The following CENPF variants were observed in gnomAD, a reference collection of about 807,000 sequenced individuals.
CENPF encodes the protein centromere protein F.
In CENPF, 214 loss-of-function variants were observed where a neutral mutation model predicts 307.3. The observed-to-expected ratio is 0.70, with a 90% CI of 0.62 to 0.78. The LOEUF (loss-of-function observed/expected upper bound fraction) is 0.78, where lower values mean the gene tolerates loss of function less well. Ranked by LOEUF, CENPF falls within the 30% of genes least tolerant of loss-of-function variation. The pLI, the probability that CENPF is intolerant of heterozygous loss-of-function variation, is 0.00. For missense variants in CENPF, 3,401 were observed against 3,483.9 expected, an observed-to-expected ratio of 0.98 and a Z score of 0.60; for synonymous variants, 1,259 against 1,270.6, an observed-to-expected ratio of 0.99 and a Z score of 0.19.
intron 4 of CENPF, among the ~76,000 whole-genome samples, 161 bp from the exon 5 acceptor site, chr1:214,618,968 A>T (rs942378817): frequency 6.6e-6 from 1 of 152,166 alleles, no homozygotes; most frequent in Non-Finnish European, 1.5e-5. Flanking sequence ...ATGTGTTTTG[A>T]TATTTGAGTA....
At chr1:214,605,640 C>A (rs2102521413) in intron 1 of CENPF, 2 of 1,526,696 alleles carry the variant, frequency 1.3e-6, no homozygotes, top group African/African-American at 1.4e-5. Flanking sequence ...CCGGGGGCTG[C>A]CTTATTGCTG....
chr1:214,652,597 C>G (rs1658515393), intron 15 of CENPF, among the ~76,000 whole-genome samples: 1 of 149,090 alleles, frequency 6.7e-6, no homozygotes, highest in Non-Finnish European at 1.5e-5. Flanking sequence ...GCGCCTGCCA[C>G]CACGCCCAGC....
At position 214,641,559 on chromosome 1, in the gene CENPF, T is replaced by C. The variant is rs1381766113; in HGVS notation, c.3221T>C (p.Leu1074Pro). ...CENRKNELEQLKEAFAKEHQE... is the reference protein window; with the variant it reads ...CENRKNELEQPKEAFAKEHQE... ...AATAGGAAAAATGAGTTGGAACAGCTAAAGGAAGCATTTGCAAAGGAACAC... is the reference window on the plus strand; with the variant it reads ...AATAGGAAAAATGAGTTGGAACAGCCAAAGGAAGCATTTGCAAAGGAACAC... The change falls in exon 12 of 20, where the codon CTA becomes CCA. Residue 1074 changes from leucine (L) to proline (P), a missense_variant. By Grantham distance (98) the Leu-to-Pro change is moderately conservative. Coordinates refer to ENST00000366955, the MANE Select transcript of CENPF (RefSeq NM_016343.4). 3 of 1,528,334 alleles carry C rather than the reference T, an allele frequency of 2.0e-6. No homozygotes were observed. Among genetic ancestry groups the C allele is most frequent in the East Asian group, 2.3e-5 (1 of 43,678 alleles). The allele number at this position is 1,528,334 out of a possible 1,614,324, so 94.7% of individuals were successfully genotyped here.
At chr1:214,619,255 A>G (rs745824249) in intron 5 of CENPF, 35 bp downstream of exon 5, 12 of 998,580 alleles carry the variant, frequency 1.2e-5, no homozygotes, top group African/African-American at 3.3e-5. Flanking sequence ...TAGAGTATGC[A>G]GTTATAGAAT....
chr1:214,615,014 A>T lies in CENPF; in HGVS notation c.345A>T (p.Glu115Asp). 2 of 1,599,780 alleles carry T rather than the reference A, an allele frequency of 1.3e-6. No homozygotes were observed. Among genetic ancestry groups the T allele is most frequent in the Non-Finnish European group, 1.7e-6 (2 of 1,174,582 alleles). Reference sequence around the variant, plus strand: ...GCAAAAAACAAATAGAAAAACTGGAACAGGAACTTAAAAGGTAATATTTTG... The same window carrying T: ...GCAAAAAACAAATAGAAAAACTGGATCAGGAACTTAAAAGGTAATATTTTG... ...NSGKKQIEKL[E>D]QELKRCKSEL... Residue 115 changes from glutamate to aspartate, a missense_variant, in exon 3 of 20, where the codon GAA becomes GAT. Coordinates refer to ENST00000366955, the MANE Select transcript of CENPF (RefSeq NM_016343.4).
At chr1:214,658,559 T>TCTA (rs1658705945) in intron 18 of CENPF, among the ~76,000 whole-genome samples, 1 of 152,044 alleles carries the variant, frequency 6.6e-6, no homozygotes, top group Non-Finnish European at 1.5e-5. Flanking sequence ...AAATAAAACA[T>TCTA]CTACATAGAA....
chr1:214,609,527 A>G (rs1389700635), intron 1 of CENPF, among the ~76,000 whole-genome samples: 2 of 151,950 alleles, frequency 1.3e-5, no homozygotes, highest in Admixed American at 6.6e-5. Flanking sequence ...CTTGTCATGC[A>G]TTTTCTTTGT....
In CENPF at chr1:214,641,343, A is replaced by T; in HGVS notation, c.3005A>T (p.Asn1002Ile). 5 of 1,611,822 alleles carry T rather than the reference A, an allele frequency of 3.1e-6. No individual in the cohort carries two copies. Among genetic ancestry groups the T allele is most frequent in the Non-Finnish European group, 4.2e-6 (5 of 1,179,464 alleles). ...NLIQKSESFA[N>I]YIDEREKSIS... ...ATCCAGAAAAGTGAGAGTTTTGCAA[A>T]CTATATAGATGAAAGGGAGAAAAGC... is the stretch of plus-strand genomic sequence containing the variant. The change falls in exon 12 of 20, where the codon AAC becomes ATC. Residue 1002 changes from asparagine to isoleucine, a missense_variant. Asn to Ile is a moderately radical substitution (Grantham distance 149). Transcript: ENST00000366955.
rs335523 is a variant in CENPF, at chr1:214,653,021, G to A, written c.8322+32G>A. 0.46 allele frequency: 717,199 copies of A among 1,559,622 alleles called. 172,190 individuals are homozygous for A. The highest frequency in any genetic ancestry group is 0.85 in the East Asian group (37,578 of 44,210). On this transcript the variant is annotated intron_variant, in intron 16 of 19. Coordinates refer to ENST00000366955, the MANE Select transcript of CENPF (RefSeq NM_016343.4). Reference sequence around the variant, plus strand: ...TCACTTTAATTTGCTTCATGATTTCGAATGGTTTATACAGGTGGTAGTGAT... The same window carrying A: ...TCACTTTAATTTGCTTCATGATTTCAAATGGTTTATACAGGTGGTAGTGAT...
intron 2 of CENPF, 21 bp from the exon 3 acceptor site, chr1:214,614,811 C>A: frequency 6.6e-7 from 1 of 1,511,600 alleles, no homozygotes; most frequent in South Asian, 1.3e-5. Flanking sequence ...GAGTTATTGT[C>A]TTCTGAACAA....
At chr1:214,639,154 A>G (rs1406635734) in intron 11 of CENPF, among the ~76,000 whole-genome samples, 1 of 152,188 alleles carries the variant, frequency 6.6e-6, no homozygotes, top group East Asian at 1.9e-4. Flanking sequence ...ATCTCCCCCA[A>G]CATACTTGAG....
Position 214,656,945 on chromosome 1 carries a change from A to G in CENPF, c.8498A>G (p.Asp2833Gly), listed in dbSNP as rs1658649320. ...TTACTTTGGACAGGTACTGTTATGG[A>G]TACCAAGGTCGATGAATTAACAACT... ...QEKQKTGTVM[D>G]TKVDELTTEI... Residue 2833 changes from aspartate to glycine, a missense_variant, in exon 18 of 20, where the codon GAT becomes GGT. Coordinates refer to ENST00000366955, the MANE Select transcript of CENPF (RefSeq NM_016343.4). 1 of 1,605,956 alleles carries G rather than the reference A, an allele frequency of 6.2e-7. No individual in the cohort carries two copies.
intron 1 of CENPF, chr1:214,605,802 G>C: frequency 1.3e-6 from 2 of 1,590,340 alleles, no homozygotes; most frequent in East Asian, 2.2e-5. Context: ...TTGGGGCAGC[G>C]CTCGTAGAGC....
In CENPF at chr1:214,632,356, A is replaced by G. The variant is rs964398292; in HGVS notation, c.1324-124A>G. 2.2e-5 allele frequency: 23 copies of G among 1,023,936 alleles called. No homozygotes were observed. In the Admixed American group the frequency reaches 5.1e-4, roughly 23 times the overall value. 63.4% of individuals were successfully genotyped at this position (1,023,936 alleles called of 1,614,324 possible). ...CATATTTAGCTGTGACGTATACTGT[A>G]TCTCAGCCAAAATAGATGGCATCCA... On this transcript the variant is annotated intron_variant, in intron 9 of 19. Transcript: ENST00000366955.
intron 19 of CENPF, among the ~76,000 whole-genome samples, chr1:214,661,511 C>G (rs929636758): frequency 6.6e-6 from 1 of 152,164 alleles, no homozygotes; most frequent in African/African-American, 2.4e-5. Context: ...TTTCCTAGGT[C>G]ATTTAGCAAG....
chr1:214,613,280 C>A, intron 1 of CENPF: 1 of 255,680 alleles, frequency 3.9e-6, no homozygotes, highest in South Asian at 5.6e-5. Context: ...AGGTCTTCAT[C>A]ATCTTCTAAA....
In CENPF at chr1:214,641,895, A is replaced by G. The variant is rs1268422574; in HGVS notation, c.3557A>G (p.Asn1186Ser). Reference sequence around the variant, plus strand: ...GTGAAAGAAAGAGAGAGTGAGAGAAATCAATGTAATTTTAAACCTCAGATG... The same window carrying G: ...GTGAAAGAAAGAGAGAGTGAGAGAAGTCAATGTAATTTTAAACCTCAGATG... ...NSVKERESER[N>S]QCNFKPQMDL... Residue 1186 changes from asparagine (N) to serine (S), a missense_variant, in exon 12 of 20, where the codon AAT (asparagine) becomes AGT (serine). By Grantham distance (46) the Asn-to-Ser change is conservative. Coordinates refer to ENST00000366955, the MANE Select transcript of CENPF (RefSeq NM_016343.4). 1.3e-6 allele frequency: 2 copies of G among 1,592,750 alleles called. No individual in the cohort carries two copies. The highest frequency in any genetic ancestry group is 1.4e-5 in the African/African-American group (1 of 73,370).
In CENPF at chr1:214,641,767, A is replaced by G; in HGVS notation, c.3429A>G (p.Gln1143=). The G allele has an allele frequency of 1.3e-6, 2 of 1,588,840 alleles. No homozygotes were observed. Among genetic ancestry groups the G allele is most frequent in the Non-Finnish European group, 8.5e-7 (1 of 1,172,478 alleles). ...MTLKEEQNKM[Q]KEVNDLLQEN... ...TAAAGGAAGAACAAAACAAAATGCA[A>G]AAGGAAGTTAATGACTTATTACAAG... Residue 1143 remains glutamine, a synonymous_variant, in exon 12 of 20, where the codon CAA becomes CAG. Coordinates refer to ENST00000366955, the MANE Select transcript of CENPF (RefSeq NM_016343.4).
rs1242325898 is a variant in CENPF, at chr1:214,640,308, A to G, written c.1970A>G (p.Lys657Arg). 1.2e-6 allele frequency: 2 copies of G among 1,613,992 alleles called. No individual in the cohort carries two copies. Among genetic ancestry groups the G allele is most frequent in the Middle Eastern group, 1.7e-4 (1 of 6,060 alleles). The change falls in exon 12 of 20, where the codon AAA (lysine) becomes AGA (arginine). Residue 657 changes from lysine (K) to arginine (R), a missense_variant. Lys to Arg is a conservative substitution (Grantham distance 26). Transcript: ENST00000366955. ...LETCLKTQQIKSHEYNERVRT... is the reference protein window; with the variant it reads ...LETCLKTQQIRSHEYNERVRT... ...ACTTGTCTGAAGACACAGCAAATAA[A>G]AAGTCATGAATACAACGAGAGAGTA...
Sources: allele counts gnomAD v4.1 joint callset (sites outside exome capture counted in the v4.1 genomes callset), GRCh38; gene constraint gnomAD v4.1.1; transcripts MANE v1.5; gene names NCBI Gene and HGNC (gene_info 2026-07-23, HGNC 2026-07-21).